TDRD10: variants seen among roughly 807,000 people sequenced by gnomAD.
TDRD10 encodes the protein tudor domain containing 10.
A neutral mutation model predicts 48.0 loss-of-function variants in TDRD10; 40 were observed. The ratio of observed to expected loss-of-function variants is 0.83; its 90% CI spans 0.65 to 1.09. The LOEUF (loss-of-function observed/expected upper bound fraction) is 1.09. Among genes scored for constraint, TDRD10 ranks in the 50% least tolerant of loss-of-function variants. The probability of loss-of-function intolerance (pLI) is 0.00; values close to 1 mark genes in which losing one functional copy is unlikely to be tolerated. For synonymous variants in TDRD10, 162 were observed against 170.4 expected, an observed-to-expected ratio of 0.95 and a Z score of 0.38; for missense variants, 378 against 434.7, an observed-to-expected ratio of 0.87 and a Z score of 1.16.
At chr1:154,529,448 G>T (rs1326292378) in intron 6 of TDRD10, among the ~76,000 whole-genome samples, 1 of 152,166 alleles carries the variant, frequency 6.6e-6, no homozygotes, top group African/African-American at 2.4e-5. Context: ...TATTGTATTG[G>T]TTGGTGCAAA....
At chr1:154,503,826 C>A (rs779827374) in intron 1 of TDRD10, among the ~76,000 whole-genome samples, 1 of 152,176 alleles carries the variant, frequency 6.6e-6, no homozygotes, top group Non-Finnish European at 1.5e-5. Flanking sequence ...CGTGCTCATA[C>A]TGACGTTCTT....
rs1198723204 is a variant in TDRD10, at chr1:154,502,456, C to T, written c.-601C>T. On this transcript the variant is annotated 5_prime_UTR_variant, in exon 1 of 13. Transcript: ENST00000368482. ...GGCCCATCAACTCCGCGCGCCCCTCCCCTCCGCGGCTGGCGCCTCCCAGCC... is the reference window on the plus strand; with the variant it reads ...GGCCCATCAACTCCGCGCGCCCCTCTCCTCCGCGGCTGGCGCCTCCCAGCC... The T allele has an allele frequency of 1.3e-5, 2 of 152,340 alleles. No individual in the cohort carries two copies. Among genetic ancestry groups the T allele is most frequent in the African/African-American group, 2.4e-5 (1 of 41,468 alleles). 9.4% of individuals were successfully genotyped at this position (152,340 alleles called of 1,614,324 possible).
chr1:154,545,208 A>G (rs921263411), intron 11 of TDRD10, among the ~76,000 whole-genome samples: 3 of 152,162 alleles, frequency 2.0e-5, no homozygotes, highest in Non-Finnish European at 4.4e-5. Context: ...AAGGGGAGAG[A>G]AGAGGGCAGA....
chr1:154,510,547 G>A (rs1287740865), intron 4 of TDRD10, among the ~76,000 whole-genome samples: 1 of 151,876 alleles, frequency 6.6e-6, no homozygotes, highest in Non-Finnish European at 1.5e-5. Flanking sequence ...AGCCAAGATC[G>A]TGCCACTGCA....
intron 4 of TDRD10, among the ~76,000 whole-genome samples, chr1:154,518,546 G>A (rs1371230185): frequency 6.6e-6 from 1 of 152,108 alleles, no homozygotes; most frequent in Non-Finnish European, 1.5e-5. Context: ...TCCTGCCTCA[G>A]CCTTCTGAGT....
chr1:154,533,979 G>C (rs1570960809), intron 6 of TDRD10, among the ~76,000 whole-genome samples: 1 of 151,404 alleles, frequency 6.6e-6, no homozygotes, highest in Non-Finnish European at 1.5e-5. Flanking sequence ...AGCAATCCTC[G>C]TGTCTCCACT....
intron 11 of TDRD10, among the ~76,000 whole-genome samples, chr1:154,546,174 A>C (rs1695555092): frequency 6.6e-6 from 1 of 150,690 alleles, no homozygotes. Flanking sequence ...CCTGGGATCA[A>C]GCGATTCTCC....
intron 8 of TDRD10, 129 bp from the exon 9 acceptor site, chr1:154,543,834 A>T (rs989844228): frequency 2.9e-6 from 4 of 1,392,484 alleles, no homozygotes; most frequent in Non-Finnish European, 3.9e-6. Context: ...GGGTGGGCAC[A>T]GCCTTTCTGC....
At chr1:154,529,703 A>T (rs550454608) in intron 6 of TDRD10, among the ~76,000 whole-genome samples, 1 of 151,128 alleles carries the variant, frequency 6.6e-6, no homozygotes, top group South Asian at 2.1e-4. Context: ...CCACCACCAC[A>T]CCGGCTAATT....
intron 6 of TDRD10, among the ~76,000 whole-genome samples, chr1:154,541,011 AGAG>A (rs1458527239): frequency 6.6e-6 from 1 of 152,128 alleles, no homozygotes; most frequent in Non-Finnish European, 1.5e-5. Flanking sequence ...GGGAAGCCTG[AGAG>A]GAGATGTGAG....
intron 6 of TDRD10, among the ~76,000 whole-genome samples, chr1:154,534,220 A>T (rs1234570657): frequency 6.6e-6 from 1 of 152,168 alleles, no homozygotes; most frequent in African/African-American, 2.4e-5. Context: ...AAAATCTAAA[A>T]TATTTACTAT....
intron 6 of TDRD10, among the ~76,000 whole-genome samples, chr1:154,533,171 C>T (rs1369791739): frequency 6.6e-6 from 1 of 152,120 alleles, no homozygotes; most frequent in East Asian, 1.9e-4. Context: ...TTGGGCGACT[C>T]ATCCCAGCCC....
chr1:154,506,623 G>A (rs998496530), intron 1 of TDRD10, among the ~76,000 whole-genome samples: 2 of 152,122 alleles, frequency 1.3e-5, no homozygotes, highest in African/African-American at 2.4e-5. Context: ...TGATCCACCC[G>A]CCTCGGCCTC....
rs372978798 is a variant in TDRD10, at chr1:154,509,909, C to G, written c.141+1428C>G. ...CAGTTCTGCCACCTCTCTCTTCCCC[C>G]CTCCCCAGTAGACCCCATTCCAGAG... On this transcript the variant is annotated intron_variant, in intron 4 of 12. Transcript: ENST00000368482. 1.0e-5 allele frequency: 10 copies of G among 974,958 alleles called. No individual in the cohort carries two copies. The East Asian group carries it at 5.7e-4, about 56-fold the overall frequency. 60.4% of individuals were successfully genotyped at this position (974,958 alleles called of 1,614,324 possible).
intron 6 of TDRD10, among the ~76,000 whole-genome samples, chr1:154,530,970 C>T (rs1378548438): frequency 5.3e-5 from 8 of 151,374 alleles, no homozygotes; most frequent in Non-Finnish European, 1.0e-4. Flanking sequence ...TCCCAAGTAG[C>T]TGGGATTACA....
chr1:154,535,037 G>T (rs1357496808), intron 6 of TDRD10, among the ~76,000 whole-genome samples: 1 of 152,146 alleles, frequency 6.6e-6, no homozygotes, highest in Non-Finnish European at 1.5e-5. Flanking sequence ...CCACATTGAA[G>T]GATATGGAAT....
chr1:154,540,357 G>C (rs908064324), intron 6 of TDRD10, among the ~76,000 whole-genome samples: 54 of 151,994 alleles, frequency 3.6e-4, no homozygotes, highest in Admixed American at 1.7e-3. Context: ...GAGAGAACTT[G>C]GGTGAACTGC....
chr1:154,514,319 T>G (rs540199827), intron 4 of TDRD10, among the ~76,000 whole-genome samples: 4 of 152,282 alleles, frequency 2.6e-5, no homozygotes, highest in Admixed American at 2.0e-4. Context: ...GTTTACCTGT[T>G]GATAGTAAGA....
At chr1:154,507,137 G>T in intron 2 of TDRD10, 104 bp from the exon 3 acceptor site, 1 of 1,558,026 alleles carries the variant, frequency 6.4e-7, no homozygotes, top group Non-Finnish European at 8.7e-7. Context: ...TGGTCAGGAA[G>T]GGGAATGGAG....
Sources: allele counts gnomAD v4.1 joint callset (sites outside exome capture counted in the v4.1 genomes callset), GRCh38; gene constraint gnomAD v4.1.1; transcripts MANE v1.5; gene names NCBI Gene and HGNC (gene_info 2026-07-23, HGNC 2026-07-21).